The following CTNND2 variants were observed in gnomAD, a reference collection of about 807,000 sequenced individuals.
The protein encoded by CTNND2 is catenin delta 2.
In CTNND2, 22 loss-of-function variants were observed where a neutral mutation model predicts 144.4. That is an observed-to-expected ratio of 0.15 (90% CI 0.11 to 0.22). CTNND2 has a LOEUF of 0.22. CTNND2 is among the 10% of genes least tolerant of loss of function. The pLI is 1.00. For synonymous variants in CTNND2, 751 were observed against 695.6 expected, an observed-to-expected ratio of 1.08 and a Z score of -1.25; for missense variants, 1,353 against 1,618.8, an observed-to-expected ratio of 0.84 and a Z score of 2.82.
At chr5:11,320,518 G>A (rs559279843) in intron 9 of CTNND2, among the ~76,000 whole-genome samples, 9 of 152,272 alleles carry the variant, frequency 5.9e-5, no homozygotes, top group South Asian at 4.2e-4. Context: ...AGACATACCC[G>A]AGACTAGGAA....
intron 2 of CTNND2, among the ~76,000 whole-genome samples, chr5:11,594,204 T>C (rs914994662): frequency 6.6e-6 from 1 of 152,192 alleles, no homozygotes; most frequent in African/African-American, 2.4e-5. Context: ...TGAAATACTA[T>C]TCAGCAAAGT....
chr5:11,108,012 T>C (rs1162096495), intron 14 of CTNND2, among the ~76,000 whole-genome samples: 1 of 152,126 alleles, frequency 6.6e-6, no homozygotes, highest in Admixed American at 6.5e-5. Context: ...GAAAATTCGC[T>C]CTCTTTGGGG....
At chr5:11,348,448 AAAAAAAAAG>A (rs1308285378) in intron 8 of CTNND2, among the ~76,000 whole-genome samples, 11 of 144,124 alleles carry the variant, frequency 7.6e-5, no homozygotes, top group South Asian at 6.6e-4. Flanking sequence ...AAAAAAAAAA[AAAAAAAAAG>A]AAAAAAGAAA....
chr5:11,358,740 T>G (rs1388587521), intron 8 of CTNND2, among the ~76,000 whole-genome samples: 2 of 151,418 alleles, frequency 1.3e-5, no homozygotes, highest in Admixed American at 6.6e-5. Flanking sequence ...GAGGATTACG[T>G]TTTTTTTAGA....
chr5:11,324,081 G>C (rs1752304536), intron 9 of CTNND2, among the ~76,000 whole-genome samples: 1 of 152,154 alleles, frequency 6.6e-6, no homozygotes, highest in Non-Finnish European at 1.5e-5. Context: ...GGAACAGTGT[G>C]AGGTTGATGT....
At position 11,732,352 on chromosome 5, in the gene CTNND2, C is replaced by T. The variant is rs1015385812; in HGVS notation, c.38-80G>A. 3.3e-5 allele frequency: 46 copies of T among 1,396,754 alleles called. No homozygotes were observed. In the African/African-American group the frequency reaches 6.3e-4, roughly 19 times the overall value. 86.5% of individuals were successfully genotyped at this position (1,396,754 alleles called of 1,614,324 possible). The stretch of plus-strand genomic sequence containing the variant: ...CAACTATCAGACCACTTTGAAGATA[C>T]ACACAGAAAAAAAAGTAAAACTATA... On this transcript the variant is annotated intron_variant, in intron 1 of 21. Coordinates refer to ENST00000304623, the MANE Select transcript of CTNND2 (RefSeq NM_001332.4).
intron 1 of CTNND2, among the ~76,000 whole-genome samples, chr5:11,761,502 G>A (rs1022174914): frequency 3.3e-5 from 5 of 152,120 alleles, no homozygotes; most frequent in Non-Finnish European, 5.9e-5. Flanking sequence ...AAATTAATTT[G>A]TAGATTTTAT....
intron 3 of CTNND2, among the ~76,000 whole-genome samples, chr5:11,454,138 T>C (rs545422583): frequency 2.0e-4 from 31 of 152,216 alleles, no homozygotes; most frequent in Admixed American, 1.6e-3. Context: ...AAAAACATAA[T>C]AGGGCCAACG....
At chr5:11,890,948 T>C (rs1038521429) in intron 1 of CTNND2, among the ~76,000 whole-genome samples, 4 of 152,114 alleles carry the variant, frequency 2.6e-5, no homozygotes, top group African/African-American at 9.7e-5. Flanking sequence ...TAAGGCAAGA[T>C]GTGGGTGAAC....
intron 1 of CTNND2, among the ~76,000 whole-genome samples, chr5:11,734,986 A>G (rs1024629555): frequency 1.3e-5 from 2 of 152,230 alleles, no homozygotes; most frequent in South Asian, 2.1e-4. Context: ...AGGAATAATA[A>G]TATCACCAAT....
intron 1 of CTNND2, among the ~76,000 whole-genome samples, chr5:11,812,431 C>A (rs991409808): frequency 6.6e-6 from 1 of 152,150 alleles, no homozygotes; most frequent in African/African-American, 2.4e-5. Context: ...TTTACCTTCT[C>A]ATCCTCTTAT....
chr5:11,180,236 C>T (rs1760871035), intron 11 of CTNND2, among the ~76,000 whole-genome samples: 1 of 152,188 alleles, frequency 6.6e-6, no homozygotes, highest in African/African-American at 2.4e-5. Context: ...CTCTCTCTCT[C>T]TCTCCTCCAC....
At chr5:11,308,455 A>C (rs184332048) in intron 9 of CTNND2, among the ~76,000 whole-genome samples, 167 of 152,320 alleles carry the variant, frequency 1.1e-3, no homozygotes, top group African/African-American at 3.8e-3. Flanking sequence ...TTTACAAAAA[A>C]AACAACAACA....
rs577492377 is a variant in CTNND2 at position 11,107,116 on chromosome 5, C to T, written c.2463+3742G>A. ...TCTGATATGGCCTCTAACAGAAAAA[C>T]ATCTGAAAGGATATATGCCCAGATG... On this transcript the variant is annotated intron_variant, in intron 14 of 21. Coordinates refer to ENST00000304623, the MANE Select transcript of CTNND2 (RefSeq NM_001332.4). 3.3e-5 allele frequency among the ~76,000 whole-genome samples: 5 copies of T among 152,264 alleles called. No homozygotes were observed. In the East Asian group the frequency reaches 5.8e-4, roughly 18 times the overall value.
At chr5:11,399,791 G>A (rs1349768892) in intron 5 of CTNND2, among the ~76,000 whole-genome samples, 2 of 152,216 alleles carry the variant, frequency 1.3e-5, no homozygotes, top group Non-Finnish European at 2.9e-5. Context: ...AATGAGCAAT[G>A]TATCAGAATA....
At chr5:11,800,324 A>G (rs1296183748) in intron 1 of CTNND2, among the ~76,000 whole-genome samples, 1 of 152,178 alleles carries the variant, frequency 6.6e-6, no homozygotes, top group East Asian at 1.9e-4. Context: ...GTTTAAAGAT[A>G]TCTGAGTTTC....
At chr5:11,829,736 TCCCTACTGAGG>T (rs1200917273) in intron 1 of CTNND2, among the ~76,000 whole-genome samples, 5 of 151,904 alleles carry the variant, frequency 3.3e-5, no homozygotes, top group African/African-American at 1.2e-4. Flanking sequence ...CCATACAGAG[TCCCTACTGAGG>T]CACTGCCTCG....
Position 11,053,287 on chromosome 5 carries a change from G to A in CTNND2, c.2788+29409C>T, listed in dbSNP as rs916862981. On this transcript the variant is annotated intron_variant, in intron 16 of 21. Coordinates refer to ENST00000304623, the MANE Select transcript of CTNND2 (RefSeq NM_001332.4). Reference sequence around the variant, plus strand: ...TTTGAGACAAAAATAAAAAGTTTACGTGGTGCTATGAATGAAACAGATGAA... The same window carrying A: ...TTTGAGACAAAAATAAAAAGTTTACATGGTGCTATGAATGAAACAGATGAA... Among the ~76,000 whole-genome samples the A allele has an allele frequency of 1.1e-4, 16 of 152,266 alleles. No homozygotes were observed. In the East Asian group the frequency reaches 2.7e-3, roughly 26 times the overall value.
chr5:11,081,232 A>T (rs77400919), intron 16 of CTNND2, among the ~76,000 whole-genome samples: 4 of 151,888 alleles, frequency 2.6e-5, no homozygotes, highest in African/African-American at 4.8e-5. Context: ...AGAAGAACAG[A>T]TTTTTTGAGA....
Sources: gnomAD v4.1 joint callset for allele counts (sites outside exome capture counted in the v4.1 genomes callset) on GRCh38, gnomAD v4.1.1 for gene constraint, MANE v1.5 for transcripts, NCBI Gene and HGNC (gene_info 2026-07-23, HGNC 2026-07-21) for gene names.